The following LAMA2 variants were observed in gnomAD, a reference collection of about 807,000 sequenced individuals.
LAMA2 encodes the protein laminin subunit alpha 2.
A neutral mutation model predicts 364.8 loss-of-function variants in LAMA2; 269 were observed. The ratio of observed to expected loss-of-function variants is 0.74; its 90% CI spans 0.67 to 0.82. The LOEUF (loss-of-function observed/expected upper bound fraction) is 0.82, where lower values mean the gene tolerates loss of function less well. Ranked by LOEUF, LAMA2 falls within the 40% of genes least tolerant of loss-of-function variation. LAMA2 has a pLI of 0.00. For synonymous variants in LAMA2, 1,379 were observed against 1,370.6 expected (o/e 1.01, Z -0.14); for missense variants, 3,807 against 3,873.2 (o/e 0.98, Z 0.45).
intron 12 of LAMA2, among the ~76,000 whole-genome samples, chr6:129,229,923 T>C (rs1350482044): frequency 6.6e-6 from 1 of 152,146 alleles, no homozygotes; most frequent in Non-Finnish European, 1.5e-5. Flanking sequence ...ATGCCTATTA[T>C]ATATCGAGGT....
chr6:129,478,504 T>C (rs1036949388), intron 53 of LAMA2, among the ~76,000 whole-genome samples, 189 bp from the exon 54 acceptor site: 1 of 152,144 alleles, frequency 6.6e-6, no homozygotes, highest in African/African-American at 2.4e-5. Flanking sequence ...TTCTGCAGGA[T>C]AACATGAACA....
intron 1 of LAMA2, among the ~76,000 whole-genome samples, chr6:129,024,020 T>A (rs1785631194): frequency 6.6e-6 from 1 of 152,184 alleles, no homozygotes; most frequent in African/African-American, 2.4e-5. Flanking sequence ...GACCAAATGA[T>A]TACTGAGACA....
intron 1 of LAMA2, among the ~76,000 whole-genome samples, chr6:128,987,716 C>G (rs1023511545): frequency 1.7e-4 from 26 of 152,148 alleles, no homozygotes; most frequent in Non-Finnish European, 3.7e-4. Context: ...AATTAAGACA[C>G]AGGTTTAATT....
chr6:129,086,415 C>T (rs1204825908), intron 3 of LAMA2, among the ~76,000 whole-genome samples: 1 of 152,130 alleles, frequency 6.6e-6, no homozygotes, highest in East Asian at 1.9e-4. Flanking sequence ...CAACTTATAA[C>T]AGTTTTGGTG....
chr6:128,987,147 T>TG (rs924364144), intron 1 of LAMA2, among the ~76,000 whole-genome samples: 11 of 145,538 alleles, frequency 7.6e-5, no homozygotes, highest in Non-Finnish European at 1.4e-4. Flanking sequence ...TTTGTTTTTT[T>TG]TTTTTTTTTG....
chr6:129,158,906 A>G, intron 8 of LAMA2: 1 of 1,607,732 alleles, frequency 6.2e-7, no homozygotes. Flanking sequence ...TGTGTTATTA[A>G]TAGCATCATC....
At chr6:129,158,028 C>T in intron 8 of LAMA2, 1 of 1,612,928 alleles carries the variant, frequency 6.2e-7, no homozygotes, top group Non-Finnish European at 8.5e-7. Flanking sequence ...GATGTTTTTG[C>T]TCTTTAGGTC....
Position 129,361,889 on chromosome 6 carries a change from A to C in LAMA2, c.4718-4330A>C, listed in dbSNP as rs1777483852. Among the ~76,000 whole-genome samples the C allele has an allele frequency of 2.1e-5, 3 of 146,334 alleles. No homozygotes were observed. In the Admixed American group the frequency reaches 2.1e-4, roughly 10 times the overall value. The stretch of plus-strand genomic sequence containing the variant: ...AGCCTCTACCTCCTGGGTTCAAGTG[A>C]TACTCCTCCCTCAGCCTCCCGAGTA... On this transcript the variant is annotated intron_variant, in intron 32 of 64. Coordinates refer to ENST00000421865, the MANE Select transcript of LAMA2 (RefSeq NM_000426.4).
At chr6:129,115,363 C>T (rs938764279) in intron 4 of LAMA2, among the ~76,000 whole-genome samples, 3 of 151,958 alleles carry the variant, frequency 2.0e-5, no homozygotes, top group Non-Finnish European at 4.4e-5. Flanking sequence ...TCTTTTGCCT[C>T]GGGTATTCTG....
At chr6:129,394,692 C>T (rs963835577) in intron 37 of LAMA2, among the ~76,000 whole-genome samples, 1 of 152,202 alleles carries the variant, frequency 6.6e-6, no homozygotes, top group East Asian at 1.9e-4. Context: ...TATTTTATGG[C>T]AACCGTTTGA....
At chr6:129,446,697 G>T (rs1782405534) in intron 45 of LAMA2, among the ~76,000 whole-genome samples, 1 of 151,950 alleles carries the variant, frequency 6.6e-6, no homozygotes, top group African/African-American at 2.4e-5. Flanking sequence ...GAACAACTTT[G>T]GAACTAGGAT....
chr6:129,270,063 G>A (rs1044583199), intron 16 of LAMA2, among the ~76,000 whole-genome samples: 1 of 152,034 alleles, frequency 6.6e-6, no homozygotes, highest in African/African-American at 2.4e-5. Context: ...GCTTCTCACA[G>A]ATGTAATACA....
intron 8 of LAMA2, chr6:129,158,352 C>A: frequency 4.3e-6 from 7 of 1,612,414 alleles, no homozygotes; most frequent in Non-Finnish European, 5.9e-6. Context: ...CACCGCCACT[C>A]TTTCGCCATG....
chr6:128,960,256 C>T (rs1781395015), intron 1 of LAMA2, among the ~76,000 whole-genome samples: 2 of 151,038 alleles, frequency 1.3e-5, no homozygotes, highest in South Asian at 4.2e-4. Context: ...ATCTATGGAA[C>T]TCTTCTTTGT....
chr6:129,464,170 G>A, intron 49 of LAMA2, 120 bp from the exon 50 acceptor site: 1 of 847,938 alleles, frequency 1.2e-6, no homozygotes, highest in Non-Finnish European at 2.0e-6. Flanking sequence ...GAATGAAGAT[G>A]TATTTAGGGT....
intron 18 of LAMA2, among the ~76,000 whole-genome samples, chr6:129,282,350 A>G (rs574512501): frequency 2.0e-5 from 3 of 152,320 alleles, no homozygotes; most frequent in African/African-American, 7.2e-5. Context: ...GACAAGAGTT[A>G]TAACTTTATA....
At chr6:129,452,818 C>T (rs1226665623) in intron 45 of LAMA2, among the ~76,000 whole-genome samples, 170 bp from the exon 46 acceptor site, 1 of 152,106 alleles carries the variant, frequency 6.6e-6, no homozygotes, top group African/African-American at 2.4e-5. Context: ...CTCTTCTGTG[C>T]CCTCATTAAT....
At chr6:129,281,201 A>G (rs770366264) in intron 18 of LAMA2, among the ~76,000 whole-genome samples, 19 of 152,168 alleles carry the variant, frequency 1.2e-4, no homozygotes, top group Non-Finnish European at 2.1e-4. Flanking sequence ...GAAACTAGAT[A>G]TCTTTAATTG....
chr6:128,988,257 A>G (rs1783392651), intron 1 of LAMA2, among the ~76,000 whole-genome samples: 1 of 152,328 alleles, frequency 6.6e-6, no homozygotes, highest in Middle Eastern at 3.4e-3. Flanking sequence ...ACAAGGGGAC[A>G]TCTCTTATGG....
Sources: gnomAD v4.1 joint callset for allele counts (sites outside exome capture counted in the v4.1 genomes callset) on GRCh38, gnomAD v4.1.1 for gene constraint, MANE v1.5 for transcripts, NCBI Gene and HGNC (gene_info 2026-07-23, HGNC 2026-07-21) for gene names.